Variants in NR3C1 observed in about 807,000 individuals in gnomAD.
NR3C1 encodes the protein nuclear receptor subfamily 3 group C member 1, also known as glucocorticoid receptor.
NR3C1 carries 14 observed loss-of-function variants against 74.0 expected under a neutral mutation model. The ratio of observed to expected loss-of-function variants is 0.19; its 90% CI spans 0.12 to 0.30. The LOEUF (loss-of-function observed/expected upper bound fraction) is 0.30, where lower values mean the gene tolerates loss of function less well. NR3C1 is among the 10% of genes least tolerant of loss of function. NR3C1 has a pLI of 1.00. For synonymous variants in NR3C1, 308 were observed against 332.5 expected, an observed-to-expected ratio of 0.93 and a Z score of 0.80; for missense variants, 695 against 909.8, an observed-to-expected ratio of 0.76 and a Z score of 3.04.
intron 2 of NR3C1, among the ~76,000 whole-genome samples, chr5:143,347,683 G>A (rs1170911736): frequency 1.3e-5 from 2 of 152,152 alleles, no homozygotes; most frequent in Non-Finnish European, 2.9e-5. Flanking sequence ...CATTCTCATT[G>A]TAGAAATTTA....
intron 1 of NR3C1, among the ~76,000 whole-genome samples, chr5:143,417,313 T>G (rs1226229623): frequency 6.6e-6 from 1 of 152,164 alleles, no homozygotes; most frequent in Non-Finnish European, 1.5e-5. Flanking sequence ...AAACATTGCT[T>G]CTGTCTTATT....
intron 1 of NR3C1, among the ~76,000 whole-genome samples, chr5:143,432,653 C>T (rs796260228): frequency 1.8e-4 from 28 of 152,320 alleles, no homozygotes; most frequent in African/African-American, 5.5e-4. Context: ...GCTATTAAAG[C>T]GTACGGTTCC....
At chr5:143,330,389 G>A (rs1205217057) in intron 2 of NR3C1, among the ~76,000 whole-genome samples, 2 of 152,254 alleles carry the variant, frequency 1.3e-5, no homozygotes, top group East Asian at 3.8e-4. Flanking sequence ...CAAAATAATA[G>A]TAAATAATAT....
At chr5:143,431,507 G>A (rs967938018) in intron 1 of NR3C1, among the ~76,000 whole-genome samples, 1 of 151,674 alleles carries the variant, frequency 6.6e-6, no homozygotes, top group Non-Finnish European at 1.5e-5. Context: ...GGGGTGGGGG[G>A]TAAGGGGAGG....
chr5:143,314,262 A>G, intron 2 of NR3C1, 94 bp from the exon 3 acceptor site: 1 of 1,339,344 alleles, frequency 7.5e-7, no homozygotes, highest in Non-Finnish European at 1.1e-6. Flanking sequence ...CAGAATGCTC[A>G]CAGTGAACTC....
At chr5:143,318,326 G>C (rs879448623) in intron 2 of NR3C1, among the ~76,000 whole-genome samples, 15 of 152,042 alleles carry the variant, frequency 9.9e-5, no homozygotes, top group Non-Finnish European at 1.9e-4. Flanking sequence ...TTTTAGTATT[G>C]CAATGTGGAA....
chr5:143,410,905 G>T (rs904105004), intron 1 of NR3C1, among the ~76,000 whole-genome samples: 1 of 152,140 alleles, frequency 6.6e-6, no homozygotes, highest in East Asian at 1.9e-4. Flanking sequence ...GTACCAGCTT[G>T]CAAGCACTGA....
intron 2 of NR3C1, among the ~76,000 whole-genome samples, chr5:143,359,032 A>C (rs1040638736): frequency 6.6e-6 from 1 of 152,234 alleles, no homozygotes; most frequent in African/African-American, 2.4e-5. Flanking sequence ...GCAATCAGTA[A>C]GATCAATGAA....
Position 143,434,913 on chromosome 5 carries a change from A to C in NR3C1, c.-395T>G, listed in dbSNP as rs551337147. ...TGAGCACAAACCAGAGAATTTCAGA[A>C]GTGAAGAAAATTTCAGATCAGAAGA... On this transcript the variant is annotated 5_prime_UTR_variant, in exon 1 of 9. Coordinates refer to the NR3C1 transcript ENST00000343796. The C allele has an allele frequency of 5.6e-5, 55 of 985,460 alleles. No individual in the cohort carries two copies. The South Asian group carries it at 2.4e-3, about 43-fold the overall frequency. The allele number at this position is 985,460 out of a possible 1,614,324, so 61.0% of individuals were successfully genotyped here. A position where few individuals can be genotyped will look rare whatever the true frequency, so the allele number is the denominator to read the frequency against.
At chr5:143,421,072 C>G (rs753014929) in intron 1 of NR3C1, among the ~76,000 whole-genome samples, 2 of 151,798 alleles carry the variant, frequency 1.3e-5, no homozygotes, top group Non-Finnish European at 2.9e-5. Flanking sequence ...CTTGATTAAC[C>G]CTAGTTTGGG....
At chr5:143,430,917 A>G (rs190737432) in intron 1 of NR3C1, among the ~76,000 whole-genome samples, 7 of 152,284 alleles carry the variant, frequency 4.6e-5, no homozygotes, top group Admixed American at 3.9e-4. Flanking sequence ...CTTCACTGCA[A>G]CCACTAAAAA....
intron 2 of NR3C1, among the ~76,000 whole-genome samples, chr5:143,355,594 C>T (rs1244756825): frequency 1.3e-5 from 2 of 152,068 alleles, no homozygotes; most frequent in Non-Finnish European, 2.9e-5. Flanking sequence ...AAATTAAATA[C>T]ATTGAAAGTA....
At chr5:143,284,541 G>T (rs1813867208) in intron 7 of NR3C1, among the ~76,000 whole-genome samples, 2 of 151,274 alleles carry the variant, frequency 1.3e-5, no homozygotes, top group Non-Finnish European at 2.9e-5. Flanking sequence ...TTTTTTCCCT[G>T]CCGTATAGTT....
chr5:143,382,160 A>G (rs1474385451), intron 2 of NR3C1, among the ~76,000 whole-genome samples: 1 of 152,176 alleles, frequency 6.6e-6, no homozygotes, highest in Non-Finnish European at 1.5e-5. Flanking sequence ...GTATGAAGAA[A>G]TGTTCAACAT....
At chr5:143,372,282 G>T (rs1242121370) in intron 2 of NR3C1, among the ~76,000 whole-genome samples, 1 of 152,022 alleles carries the variant, frequency 6.6e-6, no homozygotes, top group Non-Finnish European at 1.5e-5. Flanking sequence ...TATCTGAATT[G>T]CCAGGATCAC....
intron 2 of NR3C1, among the ~76,000 whole-genome samples, chr5:143,358,334 G>A (rs1017597801): frequency 2.0e-5 from 3 of 152,174 alleles, no homozygotes; most frequent in Admixed American, 2.0e-4. Context: ...GTTTTCCACA[G>A]GAGTAACGTA....
rs1374809402 is a variant in NR3C1, at chr5:143,400,406, G to A, written c.434C>T (p.Thr145Ile). 6.2e-7 allele frequency: 1 copy of A among 1,614,208 alleles called. No individual in the cohort carries two copies. The highest frequency in any genetic ancestry group is 8.5e-7 in the Non-Finnish European group (1 of 1,180,032). The change falls in exon 2 of 9, where the codon ACT (threonine) becomes ATT (isoleucine). Residue 145 changes from threonine (T) to isoleucine (I), a missense_variant. Transcript: ENST00000394464. ...VPENPKSSAS[T>I]AVSAAPTEKE... ...CTCTGTGGGGGCAGCAGACACAGCA[G>A]TGGATGCTGAACTCTTGGGGTTCTC...
chr5:143,295,839 G>A (rs975129273), intron 6 of NR3C1, among the ~76,000 whole-genome samples: 1 of 152,064 alleles, frequency 6.6e-6, no homozygotes, highest in African/African-American at 2.4e-5. Context: ...TATCATGCAT[G>A]CCATGTATTA....
intron 2 of NR3C1, among the ~76,000 whole-genome samples, chr5:143,324,799 T>C (rs1442288029): frequency 2.6e-5 from 4 of 152,216 alleles, no homozygotes; most frequent in Non-Finnish European, 5.9e-5. Flanking sequence ...AGAAATTTCT[T>C]CCACCAGATA....
Sources: gnomAD v4.1 joint callset for allele counts (sites outside exome capture counted in the v4.1 genomes callset) on GRCh38, gnomAD v4.1.1 for gene constraint, MANE v1.5 for transcripts, NCBI Gene and HGNC (gene_info 2026-07-23, HGNC 2026-07-21) for gene names.